GABRA3: variants seen among roughly 807,000 people sequenced by gnomAD.
GABRA3 encodes the protein gamma-aminobutyric acid type A receptor subunit alpha3, also known as gamma-aminobutyric acid receptor subunit alpha-3.
A neutral mutation model predicts 30.1 loss-of-function variants in GABRA3; 10 were observed. The ratio of observed to expected loss-of-function variants is 0.33; its 90% CI spans 0.20 to 0.56. The LOEUF is 0.56. Ranked by LOEUF, GABRA3 falls within the 20% of genes least tolerant of loss-of-function variation. The probability of loss-of-function intolerance (pLI) is 0.89; values close to 1 mark genes in which losing one functional copy is unlikely to be tolerated. For missense variants in GABRA3, 233 were observed against 392.0 expected (o/e 0.59, Z 3.42); for synonymous variants, 151 against 146.8 (o/e 1.03, Z -0.21).
chrX:152,418,037 G>GA (rs758015926), intron 1 of GABRA3, among the ~76,000 whole-genome samples: 1 of 103,784 alleles, frequency 9.6e-6, no homozygotes, highest in African/African-American at 3.5e-5. Context: ...AAAAAAAGAA[G>GA]AAAAAAAAGA....
chrX:152,378,713 T>TA (rs1030388423), intron 1 of GABRA3, among the ~76,000 whole-genome samples: 1 of 111,422 alleles, frequency 9.0e-6, no homozygotes, highest in African/African-American at 3.3e-5. Flanking sequence ...CTGGTGCAAA[T>TA]AAAAAAGTTA....
At chrX:152,405,944 A>G (rs1381170061) in intron 1 of GABRA3, among the ~76,000 whole-genome samples, 2 of 111,566 alleles carry the variant, frequency 1.8e-5, no homozygotes, top group African/African-American at 6.5e-5. Flanking sequence ...CCCTAACTCC[A>G]GATAGCCCAT....
chrX:152,246,549 T>C (rs906478641), intron 5 of GABRA3, among the ~76,000 whole-genome samples: 2 of 111,756 alleles, frequency 1.8e-5, no homozygotes, highest in Non-Finnish European at 3.8e-5. Flanking sequence ...AAACTTCCAT[T>C]ATGCCTTTTG....
In GABRA3 at chrX:152,364,596, C is replaced by A; in HGVS notation, c.-26G>T. ...CTTCTTAGGCACAAACTTGGAGAGACCTGTGAGATTCACAGTTTAGATAAG... is the reference window on the plus strand; with the variant it reads ...CTTCTTAGGCACAAACTTGGAGAGAACTGTGAGATTCACAGTTTAGATAAG... On this transcript the variant is annotated splice_region_variant and 5_prime_UTR_variant, in exon 2 of 10. Coordinates refer to ENST00000370314, the MANE Select transcript of GABRA3 (RefSeq NM_000808.4). 8.5e-7 allele frequency: 1 copy of A among 1,177,468 alleles called. No homozygotes were observed.
intron 6 of GABRA3, among the ~76,000 whole-genome samples, chrX:152,214,061 A>G (rs751752862): frequency 2.2e-4 from 25 of 111,159 alleles, no homozygotes; most frequent in African/African-American, 8.2e-4. Context: ...TATTTTTTCA[A>G]TCTTCACCCC....
At chrX:152,285,845 C>G (rs1195723415) in intron 3 of GABRA3, among the ~76,000 whole-genome samples, 1 of 108,039 alleles carries the variant, frequency 9.3e-6, no homozygotes, top group African/African-American at 3.4e-5. Context: ...GTGGAGCCCT[C>G]CTGACCTAAT....
intron 4 of GABRA3, among the ~76,000 whole-genome samples, chrX:152,259,283 G>A (rs773938166): frequency 9.0e-6 from 1 of 111,576 alleles, no homozygotes; most frequent in Admixed American, 9.5e-5. Context: ...AAGTAAACAT[G>A]AACAGCAGTC....
At chrX:152,195,276 C>CA (rs1240665589) in intron 8 of GABRA3, among the ~76,000 whole-genome samples, 3 of 110,846 alleles carry the variant, frequency 2.7e-5, no homozygotes, top group Non-Finnish European at 5.7e-5. Context: ...AAGCCCAGGC[C>CA]AAAAAAAACA....
At chrX:152,395,511 C>T (rs1929636790) in intron 1 of GABRA3, among the ~76,000 whole-genome samples, 2 of 111,159 alleles carry the variant, frequency 1.8e-5, no homozygotes, top group Admixed American at 9.6e-5. Flanking sequence ...TGTCCCTATC[C>T]GATATCCACA....
intron 4 of GABRA3, among the ~76,000 whole-genome samples, chrX:152,282,474 A>G (rs1405648157): frequency 8.9e-6 from 1 of 112,165 alleles, no homozygotes; most frequent in African/African-American, 3.2e-5. Context: ...GAATGATTGT[A>G]GCTATTCTGC....
chrX:152,176,172 G>A (rs1457942210), intron 9 of GABRA3, among the ~76,000 whole-genome samples: 1 of 110,893 alleles, frequency 9.0e-6, no homozygotes, highest in Non-Finnish European at 1.9e-5. Flanking sequence ...CAAAAAAGAT[G>A]GTAAGAGGTA....
intron 5 of GABRA3, among the ~76,000 whole-genome samples, chrX:152,226,928 T>C (rs1937969231): frequency 9.0e-6 from 1 of 111,689 alleles, no homozygotes; most frequent in Non-Finnish European, 1.9e-5. Flanking sequence ...TTTTACACTG[T>C]TGGTGGGACT....
At chrX:152,223,015 ATATTTCCCT>A (rs1937871984) in intron 6 of GABRA3, among the ~76,000 whole-genome samples, 1 of 111,435 alleles carries the variant, frequency 9.0e-6, no homozygotes, top group Non-Finnish European at 1.9e-5. Flanking sequence ...GATGTTTCAG[ATATTTCCCT>A]TGTGTCACCC....
Position 152,347,253 on chromosome X carries a change from T to C in GABRA3, c.141-1551A>G, listed in dbSNP as rs1320587652. Among the ~76,000 whole-genome samples the C allele has an allele frequency of 7.2e-5, 8 of 111,587 alleles. No homozygotes were observed. The Admixed American group carries it at 7.6e-4, about 11-fold the overall frequency. ...AAGCCAGGCACAAAAAGACAAAAAT[T>C]GCATGCTGTCATTTATTTGTGGGAG... On this transcript the variant is annotated intron_variant, in intron 2 of 9. Transcript: ENST00000370314.
At chrX:152,272,264 T>C (rs761194706) in intron 4 of GABRA3, among the ~76,000 whole-genome samples, 7 of 112,509 alleles carry the variant, frequency 6.2e-5, no homozygotes, top group East Asian at 2.8e-4. Flanking sequence ...AGGGTGGAGA[T>C]GCCCAAGGCT....
intron 3 of GABRA3, among the ~76,000 whole-genome samples, chrX:152,327,433 T>C (rs1259356807): frequency 5.4e-5 from 6 of 111,640 alleles, no homozygotes; most frequent in Admixed American, 3.8e-4. Flanking sequence ...TATTCCAAAA[T>C]TGACCACATA....
chrX:152,407,570 T>C (rs903434405), intron 1 of GABRA3, among the ~76,000 whole-genome samples: 3 of 111,803 alleles, frequency 2.7e-5, no homozygotes, highest in African/African-American at 9.8e-5. Context: ...AGTAATGAGA[T>C]AGAAGAAGTA....
At chrX:152,219,102 T>A (rs890924547) in intron 6 of GABRA3, among the ~76,000 whole-genome samples, 2 of 111,455 alleles carry the variant, frequency 1.8e-5, no homozygotes, top group African/African-American at 6.5e-5. Context: ...TTTATTAAAT[T>A]ATTCTCTTCT....
chrX:152,268,396 C>T (rs1435468728), intron 4 of GABRA3, among the ~76,000 whole-genome samples: 1 of 111,713 alleles, frequency 9.0e-6, no homozygotes, highest in African/African-American at 3.3e-5. Context: ...AGGGGAGTGC[C>T]CCTGCACATG....
Sources: gnomAD v4.1 joint callset for allele counts (sites outside exome capture counted in the v4.1 genomes callset) on GRCh38, gnomAD v4.1.1 for gene constraint, MANE v1.5 for transcripts, NCBI Gene and HGNC (gene_info 2026-07-23, HGNC 2026-07-21) for gene names.